NRXN3: variants seen among roughly 807,000 people sequenced by gnomAD.
The protein encoded by NRXN3 is neurexin 3, also known as neurexin III.
NRXN3 carries 32 observed loss-of-function variants against 137.6 expected under a neutral mutation model. The ratio of observed to expected loss-of-function variants is 0.23; its 90% CI spans 0.18 to 0.31. The LOEUF (loss-of-function observed/expected upper bound fraction) is 0.31, where lower values mean the gene tolerates loss of function less well. Ranked by LOEUF, NRXN3 falls within the 10% of genes least tolerant of loss-of-function variation. The pLI is 1.00. For missense variants in NRXN3, 1,574 were observed against 2,062.5 expected, an observed-to-expected ratio of 0.76 and a Z score of 4.59; for synonymous variants, 798 against 784.5, an observed-to-expected ratio of 1.02 and a Z score of -0.29.
At chr14:79,340,909 T>C (rs1346234330) in intron 15 of NRXN3, among the ~76,000 whole-genome samples, 1 of 152,234 alleles carries the variant, frequency 6.6e-6, no homozygotes, top group Non-Finnish European at 1.5e-5. Context: ...CTCTTTCTTT[T>C]AGTATTTTAT....
chr14:79,774,524 A>T (rs959027530), intron 19 of NRXN3, among the ~76,000 whole-genome samples: 1 of 152,142 alleles, frequency 6.6e-6, no homozygotes, highest in African/African-American at 2.4e-5. Flanking sequence ...CAATGATTAA[A>T]CTATTTCTAG....
chr14:79,345,899 A>G (rs2092850075), intron 15 of NRXN3, among the ~76,000 whole-genome samples: 2 of 152,170 alleles, frequency 1.3e-5, no homozygotes, highest in Non-Finnish European at 2.9e-5. Context: ...ATCCAACCTC[A>G]AGTATTTCTT....
intron 6 of NRXN3, among the ~76,000 whole-genome samples, chr14:78,692,806 C>T (rs887401027): frequency 2.8e-4 from 42 of 152,030 alleles, no homozygotes; most frequent in Admixed American, 1.3e-4. Context: ...GCAGGCCAGG[C>T]GCAGTGGCTC....
chr14:79,664,051 A>G (rs2153987104), intron 17 of NRXN3, 102 bp downstream of exon 17: 1 of 1,156,180 alleles, frequency 8.6e-7, no homozygotes, highest in Non-Finnish European at 1.3e-6. Flanking sequence ...CAGAACACTG[A>G]GTGAAGTACA....
intron 15 of NRXN3, among the ~76,000 whole-genome samples, chr14:78,991,173 A>G (rs1007478678): frequency 6.6e-6 from 1 of 152,192 alleles, no homozygotes; most frequent in Non-Finnish European, 1.5e-5. Context: ...AATAATGATG[A>G]AAAGGAATAT....
In NRXN3 at chr14:79,845,180, G is replaced by A. The variant is rs78440963; in HGVS notation, c.4094-16162G>A. 2.2e-3 allele frequency among the ~76,000 whole-genome samples: 337 copies of A among 152,274 alleles called. 13 individuals carry two copies. The East Asian group carries it at 0.045, about 20-fold the overall frequency. Reference sequence around the variant, plus strand: ...TCTCTGCATTAGGGTTTGGTTAACAGGAATGTTGTGGCTAGTTTGATCTAT... The same window carrying A: ...TCTCTGCATTAGGGTTTGGTTAACAAGAATGTTGTGGCTAGTTTGATCTAT... On this transcript the variant is annotated intron_variant, in intron 20 of 20. Transcript: ENST00000335750.
chr14:79,436,325 A>G (rs1437990512), intron 15 of NRXN3, among the ~76,000 whole-genome samples: 1 of 152,222 alleles, frequency 6.6e-6, no homozygotes, highest in Non-Finnish European at 1.5e-5. Flanking sequence ...TTGTAAAATA[A>G]AAACACTTTT....
intron 11 of NRXN3, among the ~76,000 whole-genome samples, chr14:78,958,541 G>A (rs1475658281): frequency 6.6e-6 from 1 of 152,020 alleles, no homozygotes; most frequent in East Asian, 1.9e-4. Context: ...ATTTTTAGTA[G>A]AGATGGCGTT....
intron 4 of NRXN3, among the ~76,000 whole-genome samples, chr14:78,375,130 T>G (rs1283599846): frequency 6.6e-6 from 1 of 152,226 alleles, no homozygotes; most frequent in Non-Finnish European, 1.5e-5. Context: ...TTGATAGACT[T>G]ACTTTTCCTA....
At chr14:78,382,846 T>C (rs1227196922) in intron 4 of NRXN3, among the ~76,000 whole-genome samples, 4 of 152,118 alleles carry the variant, frequency 2.6e-5, no homozygotes, top group African/African-American at 9.7e-5. Context: ...TGAGGCTGGA[T>C]AGAGGGATTT....
intron 10 of NRXN3, among the ~76,000 whole-genome samples, chr14:78,871,816 A>G (rs1190885555): frequency 6.6e-6 from 1 of 152,110 alleles, no homozygotes; most frequent in Non-Finnish European, 1.5e-5. Flanking sequence ...ATCCGTCATC[A>G]CAAAAGCCAT....
intron 10 of NRXN3, among the ~76,000 whole-genome samples, chr14:78,954,150 A>G (rs1462309095): frequency 6.6e-6 from 1 of 152,066 alleles, no homozygotes; most frequent in African/African-American, 2.4e-5. Context: ...TGGGCTACTT[A>G]TTAGGTTTGT....
At chr14:79,015,464 GC>G (rs1345918395) in intron 15 of NRXN3, among the ~76,000 whole-genome samples, 1 of 152,144 alleles carries the variant, frequency 6.6e-6, no homozygotes, top group Non-Finnish European at 1.5e-5. Flanking sequence ...AGCTATGGCT[GC>G]TCAGACAGAC....
intron 15 of NRXN3, among the ~76,000 whole-genome samples, chr14:79,275,737 G>C (rs914187490): frequency 1.8e-4 from 28 of 151,602 alleles, no homozygotes; most frequent in African/African-American, 6.8e-4. Context: ...AGGATGGGGG[G>C]GGGGACATTT....
intron 6 of NRXN3, among the ~76,000 whole-genome samples, chr14:78,672,785 A>G (rs1477540329): frequency 6.6e-6 from 1 of 152,204 alleles, no homozygotes; most frequent in African/African-American, 2.4e-5. Context: ...TCAGTATCTC[A>G]TGAAAGAAAT....
At chr14:78,204,141 A>T (rs1030418314) in intron 1 of NRXN3, among the ~76,000 whole-genome samples, 52 of 152,120 alleles carry the variant, frequency 3.4e-4, no homozygotes, top group African/African-American at 1.2e-3. Flanking sequence ...CCTCCCGCTA[A>T]AGTTTATGCC....
At chr14:79,138,706 A>G (rs906640971) in intron 15 of NRXN3, among the ~76,000 whole-genome samples, 1 of 152,216 alleles carries the variant, frequency 6.6e-6, no homozygotes, top group Non-Finnish European at 1.5e-5. Flanking sequence ...GCAGAAGGTA[A>G]TGACTGAAAT....
At chr14:79,693,575 T>C (rs1477252891) in intron 18 of NRXN3, among the ~76,000 whole-genome samples, 1 of 151,988 alleles carries the variant, frequency 6.6e-6, no homozygotes, top group African/African-American at 2.4e-5. Context: ...AGAAACCTTT[T>C]TGTTTCTTTC....
chr14:78,733,678 A>G (rs2098527620), intron 8 of NRXN3, among the ~76,000 whole-genome samples: 1 of 152,204 alleles, frequency 6.6e-6, no homozygotes, highest in Non-Finnish European at 1.5e-5. Flanking sequence ...CTCAGAGAGT[A>G]AGTGTGCAGG....
Sources: gnomAD v4.1 joint callset for allele counts (sites outside exome capture counted in the v4.1 genomes callset) on GRCh38, gnomAD v4.1.1 for gene constraint, MANE v1.5 for transcripts, NCBI Gene and HGNC (gene_info 2026-07-23, HGNC 2026-07-21) for gene names.